SLC39A14: variants seen among roughly 807,000 people sequenced by gnomAD.
The protein encoded by SLC39A14 is metal cation symporter ZIP14.
SLC39A14 carries 19 observed loss-of-function variants against 45.5 expected under a neutral mutation model. The ratio of observed to expected loss-of-function variants is 0.42; its 90% CI spans 0.29 to 0.61. SLC39A14 has a LOEUF of 0.61. Ranked by LOEUF, SLC39A14 falls within the 20% of genes least tolerant of loss-of-function variation. The pLI, the probability that SLC39A14 is intolerant of heterozygous loss-of-function variation, is 0.22. For synonymous variants in SLC39A14, 264 were observed against 251.3 expected, an observed-to-expected ratio of 1.05 and a Z score of -0.48; for missense variants, 447 against 616.5, an observed-to-expected ratio of 0.73 and a Z score of 2.91.
At chr8:22,427,870 G>C (rs1270654606) in intron 8 of SLC39A14, among the ~76,000 whole-genome samples, 1 of 152,172 alleles carries the variant, frequency 6.6e-6, no homozygotes, top group East Asian at 1.9e-4. Flanking sequence ...AACTAAAAGG[G>C]TGGTAAAATC....
rs60409707 is a variant in SLC39A14, at chr8:22,433,641, C to T, written c.1333-250C>T. On this transcript the variant is annotated intron_variant, in intron 8 of 8. Coordinates refer to the SLC39A14 transcript ENST00000240095. ...TCACTGCAGCCTTAACCTCAGAGAC[C>T]GCCCACCTCAGCCTCCCAAGCAATC... Among the ~76,000 whole-genome samples the T allele has an allele frequency of 4.2e-3, 638 of 151,182 alleles. 1 individual carries two copies. The highest frequency in any genetic ancestry group is 0.014 in the African/African-American group (567 of 41,102).
At chr8:22,410,255 C>A in intron 3 of SLC39A14, 1 of 839,640 alleles carries the variant, frequency 1.2e-6, no homozygotes, top group Non-Finnish European at 1.9e-6. Context: ...ATCAAAGCCA[C>A]AAACGACTTC....
intron 3 of SLC39A14, among the ~76,000 whole-genome samples, chr8:22,410,499 A>ATAAG (rs370695578): frequency 0.18 from 27,390 of 152,108 alleles, 5,867 homozygotes; most frequent in African/African-American, 0.52. Flanking sequence ...AGGTCTGGGC[A>ATAAG]CCAAGAGCTT....
chr8:22,376,444 A>T (rs911005890), intron 1 of SLC39A14, among the ~76,000 whole-genome samples: 1 of 150,460 alleles, frequency 6.6e-6, no homozygotes, highest in African/African-American at 2.4e-5. Flanking sequence ...CAGCCTCCCA[A>T]AGTGTTGGGA....
chr8:22,428,753 C>G (rs1395041466), intron 8 of SLC39A14, among the ~76,000 whole-genome samples: 1 of 151,904 alleles, frequency 6.6e-6, no homozygotes, highest in Non-Finnish European at 1.5e-5. Context: ...TTCATGTGTT[C>G]TTTTAACATT....
At chr8:22,429,014 T>TG (rs1360422570) in intron 8 of SLC39A14, among the ~76,000 whole-genome samples, 1 of 152,142 alleles carries the variant, frequency 6.6e-6, no homozygotes, top group Non-Finnish European at 1.5e-5. Flanking sequence ...GGCTCACGCC[T>TG]GTAATCCTAG....
chr8:22,385,962 G>T (rs1387014411), intron 1 of SLC39A14, among the ~76,000 whole-genome samples: 1 of 152,190 alleles, frequency 6.6e-6, no homozygotes. Flanking sequence ...TTTTTTGAGA[G>T]ACAGAGTCTC....
At chr8:22,388,549 G>A (rs901025947) in intron 1 of SLC39A14, among the ~76,000 whole-genome samples, 5 of 151,944 alleles carry the variant, frequency 3.3e-5, no homozygotes, top group African/African-American at 4.8e-5. Context: ...TGTGCTTTGG[G>A]TGGGGAGGGG....
intron 1 of SLC39A14, among the ~76,000 whole-genome samples, chr8:22,373,682 C>T (rs539680940): frequency 1.2e-4 from 18 of 151,966 alleles, no homozygotes; most frequent in Middle Eastern, 3.4e-3. Flanking sequence ...AATTACTGTT[C>T]GAGATCACTT....
chr8:22,428,971 C>G (rs191635636), intron 8 of SLC39A14, among the ~76,000 whole-genome samples: 3 of 152,078 alleles, frequency 2.0e-5, no homozygotes, highest in East Asian at 3.9e-4. Context: ...GTGTCTTTGT[C>G]TTGAAAAAGA....
intron 4 of SLC39A14, among the ~76,000 whole-genome samples, chr8:22,412,628 G>T (rs1286902559): frequency 6.6e-6 from 1 of 152,110 alleles, no homozygotes; most frequent in South Asian, 2.1e-4. Context: ...TCAGATTAAG[G>T]CTTTGGGTGC....
chr8:22,392,660 A>C (rs1383298090), intron 1 of SLC39A14, among the ~76,000 whole-genome samples: 1 of 152,122 alleles, frequency 6.6e-6, no homozygotes, highest in Non-Finnish European at 1.5e-5. Flanking sequence ...TCGGGTGGGG[A>C]AAACACCGGC....
chr8:22,396,700 A>C, intron 1 of SLC39A14, among the ~76,000 whole-genome samples: 1 of 144,452 alleles, frequency 6.9e-6, no homozygotes, highest in Admixed American at 6.9e-5. Flanking sequence ...TTTTTGGTCC[A>C]GGTGCACCGT....
At chr8:22,425,467 A>G (rs78338786), downstream of SLC39A14, among the ~76,000 whole-genome samples, 3,310 of 152,160 alleles carry the variant, frequency 0.022, 77 homozygotes, top group East Asian at 0.091. Flanking sequence ...CAAACACACT[A>G]AATGTGGACG....
At chr8:22,396,828 T>A (rs1206927123) in intron 1 of SLC39A14, among the ~76,000 whole-genome samples, 3 of 152,000 alleles carry the variant, frequency 2.0e-5, no homozygotes, top group Non-Finnish European at 4.4e-5. Context: ...CCCTTGTCAT[T>A]CATTTGGTTT....
At chr8:22,407,707 C>CTTT (rs34840104) in intron 2 of SLC39A14, among the ~76,000 whole-genome samples, 2 of 130,680 alleles carry the variant, frequency 1.5e-5, no homozygotes, top group African/African-American at 2.7e-5. Flanking sequence ...CAATATTTTG[C>CTTT]TTTTTTTTTT....
At chr8:22,417,872 T>C (rs1296284871) in intron 8 of SLC39A14, 37 bp downstream of exon 8, 39 of 1,567,616 alleles carry the variant, frequency 2.5e-5, no homozygotes, top group Non-Finnish European at 3.1e-5. Flanking sequence ...AGAGGGCGGC[T>C]AAGGGGATGG....
At chr8:22,379,872 T>G (rs1289963291) in intron 1 of SLC39A14, among the ~76,000 whole-genome samples, 1 of 142,254 alleles carries the variant, frequency 7.0e-6, no homozygotes, top group Non-Finnish European at 1.5e-5. Context: ...GAGGTTGCAG[T>G]GAGCCAAGGT....
At chr8:22,431,383 T>G (rs1295558303) in intron 8 of SLC39A14, among the ~76,000 whole-genome samples, 1 of 152,242 alleles carries the variant, frequency 6.6e-6, no homozygotes, top group Non-Finnish European at 1.5e-5. Flanking sequence ...ACTATGGTTT[T>G]TAAAATATTC....
Sources: allele counts gnomAD v4.1 joint callset (sites outside exome capture counted in the v4.1 genomes callset), GRCh38; gene constraint gnomAD v4.1.1; transcripts MANE v1.5; gene names NCBI Gene and HGNC (gene_info 2026-07-23, HGNC 2026-07-21).